The following OMA1 variants were observed in gnomAD, a reference collection of about 807,000 sequenced individuals.
OMA1 encodes metalloendopeptidase OMA1, mitochondrial.
A neutral mutation model predicts 30.9 loss-of-function variants in OMA1; 38 were observed. That is an observed-to-expected ratio of 1.23 (90% CI 0.95 to 1.61). The LOEUF (loss-of-function observed/expected upper bound fraction) is 1.61, where lower values mean the gene tolerates loss of function less well. Ranked by LOEUF, OMA1 falls within the 40% of genes most tolerant of loss-of-function variation. The pLI is 0.00. For missense variants in OMA1, 461 were observed against 349.2 expected (o/e 1.32, Z -2.55); for synonymous variants, 173 against 121.9 (o/e 1.42, Z -2.76).
chr1:58,492,933 T>C (rs1016333800), intron 8 of OMA1, among the ~76,000 whole-genome samples: 1 of 152,176 alleles, frequency 6.6e-6, no homozygotes, highest in Non-Finnish European at 1.5e-5. Flanking sequence ...AGCATCATCC[T>C]GATACCAAAG....
At chr1:58,491,738 A>G (rs1645695303) in intron 8 of OMA1, among the ~76,000 whole-genome samples, 2 of 152,248 alleles carry the variant, frequency 1.3e-5, no homozygotes, top group African/African-American at 4.8e-5. Context: ...ATATGCACCC[A>G]ATACAGGAGC....
At chr1:58,487,496 A>G (rs1645595339) in intron 8 of OMA1, among the ~76,000 whole-genome samples, 1 of 152,240 alleles carries the variant, frequency 6.6e-6, no homozygotes, top group South Asian at 2.1e-4. Context: ...CAGAAACTTA[A>G]TAACATACCT....
At chr1:58,482,261 T>C (rs923268054) in intron 8 of OMA1, among the ~76,000 whole-genome samples, 4 of 151,972 alleles carry the variant, frequency 2.6e-5, no homozygotes, top group African/African-American at 4.8e-5. Flanking sequence ...AGGCCCAAAA[T>C]TGAAGTTAGA....
At chr1:58,504,770 G>A (rs569960857) in intron 8 of OMA1, among the ~76,000 whole-genome samples, 7 of 152,056 alleles carry the variant, frequency 4.6e-5, no homozygotes, top group Non-Finnish European at 8.8e-5. Flanking sequence ...ACTGCATACC[G>A]TTTTTATTTT....
At chr1:58,520,283 G>T (rs1646242150) in intron 7 of OMA1, among the ~76,000 whole-genome samples, 1 of 152,088 alleles carries the variant, frequency 6.6e-6, no homozygotes, top group African/African-American at 2.4e-5. Flanking sequence ...GCAAGCCACA[G>T]AATGAAAGAA....
At chr1:58,520,476 A>G (rs545709447) in intron 7 of OMA1, among the ~76,000 whole-genome samples, 17 of 152,348 alleles carry the variant, frequency 1.1e-4, no homozygotes, top group African/African-American at 3.4e-4. Flanking sequence ...AATGTTCCAC[A>G]TTATATAAAT....
chr1:58,515,659 A>AT (rs1646147691), intron 7 of OMA1, among the ~76,000 whole-genome samples: 1 of 152,210 alleles, frequency 6.6e-6, no homozygotes, highest in Non-Finnish European at 1.5e-5. Context: ...TCTTTCTTAA[A>AT]AGAATCATTA....
chr1:58,484,138 C>T (rs1557435417), intron 8 of OMA1, among the ~76,000 whole-genome samples: 2 of 152,194 alleles, frequency 1.3e-5, no homozygotes, highest in South Asian at 4.1e-4. Flanking sequence ...GAGTAAGGTG[C>T]TAGGTACACA....
chr1:58,511,297 G>A (rs141722493), intron 7 of OMA1, among the ~76,000 whole-genome samples: 191 of 152,264 alleles, frequency 1.3e-3, no homozygotes, highest in African/African-American at 4.4e-3. Context: ...TGGAACAGAA[G>A]AGAGAGCCCA....
intron 8 of OMA1, among the ~76,000 whole-genome samples, chr1:58,488,909 G>T (rs1185594779): frequency 6.6e-6 from 1 of 152,210 alleles, no homozygotes; most frequent in African/African-American, 2.4e-5. Flanking sequence ...TTTTGTCCAA[G>T]TTTTATGATC....
chr1:58,531,603 T>A (rs912595314), intron 5 of OMA1, among the ~76,000 whole-genome samples: 3 of 152,210 alleles, frequency 2.0e-5, no homozygotes, highest in Non-Finnish European at 4.4e-5. Flanking sequence ...CTTAGAATAT[T>A]GTCCCTTAAC....
intron 8 of OMA1, among the ~76,000 whole-genome samples, chr1:58,503,570 C>A (rs1367866873): frequency 6.6e-6 from 1 of 151,980 alleles, no homozygotes; most frequent in African/African-American, 2.4e-5. Flanking sequence ...AGGAGGTAAG[C>A]GCCTTTGGGA....
chr1:58,541,634 A>AAAAAAAAAC (rs1646620911), intron 1 of OMA1: 2 of 148,860 alleles, frequency 1.3e-5, no homozygotes, highest in Non-Finnish European at 1.5e-5. Context: ...AAAAAAAAAA[A>AAAAAAAAAC]AAAAAAACCA....
chr1:58,495,807 G>T (rs1049953958), intron 8 of OMA1, among the ~76,000 whole-genome samples: 2 of 151,990 alleles, frequency 1.3e-5, no homozygotes, highest in East Asian at 3.9e-4. Context: ...TCCTCCAACA[G>T]CAAGAAGTAT....
At chr1:58,492,377 A>G (rs562094370) in intron 8 of OMA1, among the ~76,000 whole-genome samples, 219 of 152,214 alleles carry the variant, frequency 1.4e-3, no homozygotes, top group Non-Finnish European at 2.5e-3. Context: ...GAGCAAACAC[A>G]TTCAAAAGCT....
intron 7 of OMA1, among the ~76,000 whole-genome samples, chr1:58,518,277 G>GAAGAGAAGAGAA (rs1553123887): frequency 4.2e-4 from 1 of 2,400 alleles, no homozygotes; most frequent in Admixed American, 4.2e-3. Context: ...AGAGAGGAGA[G>GAAGAGAAGAGAA]GAGAAGAGAA....
chr1:58,536,440 T>C (rs1646518316), intron 3 of OMA1, 73 bp downstream of exon 3: 13 of 717,264 alleles, frequency 1.8e-5, no homozygotes, highest in Non-Finnish European at 3.2e-5. Context: ...AACATATCTT[T>C]CACATTTAAG....
intron 6 of OMA1, among the ~76,000 whole-genome samples, chr1:58,529,309 C>G (rs561918384): frequency 6.6e-6 from 1 of 152,120 alleles, no homozygotes; most frequent in East Asian, 1.9e-4. Context: ...AAACAAATAA[C>G]AGATTGTTCC....
chr1:58,501,351 A>G (rs1267332024), intron 8 of OMA1, among the ~76,000 whole-genome samples: 1 of 152,228 alleles, frequency 6.6e-6, no homozygotes, highest in African/African-American at 2.4e-5. Flanking sequence ...ATCCAAAATT[A>G]TATTATGGTA....
Sources: gnomAD v4.1 joint callset for allele counts (sites outside exome capture counted in the v4.1 genomes callset) on GRCh38, gnomAD v4.1.1 for gene constraint, MANE v1.5 for transcripts, NCBI Gene and HGNC (gene_info 2026-07-23, HGNC 2026-07-21) for gene names.